Variants in LARGE1 observed in about 807,000 individuals in gnomAD.
The protein encoded by LARGE1 is LARGE xylosyl- and glucuronyltransferase 1.
LARGE1 carries 43 observed loss-of-function variants against 87.6 expected under a neutral mutation model. That is an observed-to-expected ratio of 0.49 (90% CI 0.38 to 0.63). The LOEUF (loss-of-function observed/expected upper bound fraction) is 0.63. Among genes scored for constraint, LARGE1 ranks in the 30% least tolerant of loss-of-function variants. The probability of loss-of-function intolerance (pLI) is 0.00; values close to 1 mark genes in which losing one functional copy is unlikely to be tolerated. For synonymous variants in LARGE1, 434 were observed against 394.6 expected, an observed-to-expected ratio of 1.10 and a Z score of -1.18; for missense variants, 802 against 1,000.2, an observed-to-expected ratio of 0.80 and a Z score of 2.67.
intron 6 of LARGE1, among the ~76,000 whole-genome samples, chr22:33,502,379 G>T (rs924505533): frequency 6.6e-6 from 1 of 152,088 alleles, no homozygotes; most frequent in Non-Finnish European, 1.5e-5. Flanking sequence ...TAAAGGGCCA[G>T]AGACGGAGGG....
chr22:33,398,706 C>T (rs2065834944), intron 7 of LARGE1, among the ~76,000 whole-genome samples: 1 of 152,078 alleles, frequency 6.6e-6, no homozygotes, highest in African/African-American at 2.4e-5. Context: ...GTAATCAAGT[C>T]AACATGAGGT....
chr22:33,794,514 T>G (rs1047497078), intron 1 of LARGE1, among the ~76,000 whole-genome samples: 4 of 152,196 alleles, frequency 2.6e-5, no homozygotes, highest in Non-Finnish European at 4.4e-5. Flanking sequence ...CCAACCCCAG[T>G]CTATCCTTTT....
chr22:33,591,198 TCAAA>T (rs747686303), intron 5 of LARGE1, among the ~76,000 whole-genome samples: 48 of 152,228 alleles, frequency 3.2e-4, no homozygotes, highest in Non-Finnish European at 1.6e-4. Flanking sequence ...AGACTCTGCC[TCAAA>T]CAAACAAACA....
At chr22:33,123,380 C>T in the LARGE1 span, among the ~76,000 whole-genome samples, 77 of 145,818 alleles carry the variant, frequency 5.3e-4, no homozygotes, top group African/African-American at 1.7e-3. Context: ...AGGTTTTTTT[C>T]CTCTTTAAAT....
intron 6 of LARGE1, among the ~76,000 whole-genome samples, chr22:33,546,631 C>T (rs1329584615): frequency 2.0e-5 from 3 of 152,116 alleles, no homozygotes; most frequent in African/African-American, 4.8e-5. Flanking sequence ...GTCACCCAGG[C>T]GGGAGTGCAA....
rs201800550 is a variant in LARGE1, at chr22:33,565,057, GA to G, written c.616-39del. On this transcript the variant is annotated intron_variant, in intron 5 of 14. Coordinates refer to ENST00000397394, the MANE Select transcript of LARGE1 (RefSeq NM_133642.5). ...AGGCAGAGAGAGAGTTGGAGAAAGG[GA>G]AAAAAAATTGCTATATTAATTCTTT... The G allele has an allele frequency of 3.9e-4, 623 of 1,582,192 alleles. 4 individuals carry two copies. The East Asian group carries it at 7.8e-3, about 20-fold the overall frequency.
At chr22:33,856,609 G>A (rs1439337922) in intron 1 of LARGE1, 1 of 152,168 alleles carries the variant, frequency 6.6e-6, no homozygotes, top group Non-Finnish European at 1.5e-5. Flanking sequence ...AGGCTGGTGC[G>A]TCTACTTTTA....
chr22:33,835,963 A>C (rs914726178), intron 1 of LARGE1, among the ~76,000 whole-genome samples: 3 of 152,240 alleles, frequency 2.0e-5, no homozygotes, highest in African/African-American at 7.2e-5. Context: ...AGTCAGAAAC[A>C]GCTCTGAACC....
At chr22:33,157,978 C>T (rs1335894547), downstream of LARGE1, among the ~76,000 whole-genome samples, 9 of 151,854 alleles carry the variant, frequency 5.9e-5, no homozygotes, top group East Asian at 1.7e-3. Flanking sequence ...TGAAGAATAC[C>T]AAAAATAGTA....
chr22:33,173,718 C>A (rs1226234518), intron 11 of LARGE1, among the ~76,000 whole-genome samples: 1 of 150,502 alleles, frequency 6.6e-6, no homozygotes, highest in Admixed American at 6.6e-5. Flanking sequence ...AGACTTTAAA[C>A]CAACAAATAT....
In LARGE1 at chr22:33,316,942, G is replaced by A. The variant is rs149916274; in HGVS notation, c.1288-694C>T. Among the ~76,000 whole-genome samples, 1,099 of 152,198 alleles carry A rather than the reference G, an allele frequency of 7.2e-3. 13 individuals carry two copies. The highest frequency in any genetic ancestry group is 0.026 in the African/African-American group (1,061 of 41,548). On this transcript the variant is annotated intron_variant, in intron 10 of 14. Transcript: ENST00000397394. ...TAACATGGGAAAATGGGCTGGGCAC[G>A]GTGGCTCATGCCTGTAATCCCGGCA...
At chr22:33,770,350 G>A (rs539221473) in intron 1 of LARGE1, among the ~76,000 whole-genome samples, 14 of 152,292 alleles carry the variant, frequency 9.2e-5, no homozygotes, top group South Asian at 2.1e-4. Flanking sequence ...CACTGATAAC[G>A]TATGTGTAGC....
chr22:33,581,547 C>T (rs2078519560), intron 5 of LARGE1, among the ~76,000 whole-genome samples: 1 of 152,058 alleles, frequency 6.6e-6, no homozygotes, highest in Admixed American at 6.6e-5. Context: ...GGCACGGTGG[C>T]TCAAATCTGT....
chr22:33,643,764 T>C (rs1019795258), intron 3 of LARGE1, among the ~76,000 whole-genome samples: 9 of 152,092 alleles, frequency 5.9e-5, no homozygotes, highest in African/African-American at 2.2e-4. Context: ...CAAACTACCA[T>C]CAGAGAATAC....
intron 11 of LARGE1, among the ~76,000 whole-genome samples, chr22:33,312,407 T>C (rs958284346): frequency 7.0e-6 from 1 of 143,510 alleles, no homozygotes; most frequent in Non-Finnish European, 1.5e-5. Flanking sequence ...AACACTGCAC[T>C]CTGGCCTGGC....
intron 6 of LARGE1, among the ~76,000 whole-genome samples, chr22:33,466,890 A>T (rs1601968245): frequency 6.6e-6 from 1 of 152,246 alleles, no homozygotes; most frequent in South Asian, 2.1e-4. Context: ...AACAAAAAAA[A>T]TTAGCTGAGC....
At chr22:33,574,732 G>C (rs1023345593) in intron 5 of LARGE1, among the ~76,000 whole-genome samples, 1 of 87,140 alleles carries the variant, frequency 1.1e-5, no homozygotes, top group African/African-American at 4.6e-5. Flanking sequence ...GTGTGTGTGT[G>C]TGTGTAAAAT....
chr22:33,910,322 A>G (rs2146956643), intron 1 of LARGE1, among the ~76,000 whole-genome samples: 1 of 152,274 alleles, frequency 6.6e-6, no homozygotes, highest in South Asian at 2.1e-4. Context: ...TCTAATACCT[A>G]AGTGAAGGAA....
chr22:33,213,986 G>C (rs1192714094), intron 11 of LARGE1, among the ~76,000 whole-genome samples: 1 of 152,132 alleles, frequency 6.6e-6, no homozygotes, highest in African/African-American at 2.4e-5. Flanking sequence ...CCGCCAGCAC[G>C]CCTGGCTAAT....
Sources: gnomAD v4.1 joint callset for allele counts (sites outside exome capture counted in the v4.1 genomes callset) on GRCh38, gnomAD v4.1.1 for gene constraint, MANE v1.5 for transcripts, NCBI Gene and HGNC (gene_info 2026-07-23, HGNC 2026-07-21) for gene names.